The following ITGBL1 variants were observed in gnomAD, a reference collection of about 807,000 sequenced individuals.
ITGBL1 encodes integrin beta-like protein 1.
A neutral mutation model predicts 68.5 loss-of-function variants in ITGBL1; 51 were observed. The observed-to-expected ratio is 0.74, with a 90% CI of 0.59 to 0.94. The LOEUF is 0.94. ITGBL1 is among the 40% of genes least tolerant of loss of function. The probability of loss-of-function intolerance (pLI) is 0.00; values close to 1 mark genes in which losing one functional copy is unlikely to be tolerated. For synonymous variants in ITGBL1, 209 were observed against 227.3 expected (o/e 0.92, Z 0.72); for missense variants, 649 against 647.4 (o/e 1.00, Z -0.03).
chr13:101,522,290 A>G (rs905741821), intron 2 of ITGBL1, among the ~76,000 whole-genome samples: 5 of 152,162 alleles, frequency 3.3e-5, no homozygotes, highest in African/African-American at 4.8e-5. Context: ...AAATGTCTAT[A>G]TTATACTAAT....
intron 2 of ITGBL1, among the ~76,000 whole-genome samples, chr13:101,478,662 A>G (rs4329782): frequency 0.14 from 21,611 of 152,078 alleles, 2,040 homozygotes; most frequent in East Asian, 0.43. Context: ...ATAAAAATCA[A>G]TAGCACTTCT....
At chr13:101,708,244 G>A (rs1006178001) in intron 9 of ITGBL1, among the ~76,000 whole-genome samples, 6 of 152,178 alleles carry the variant, frequency 3.9e-5, no homozygotes, top group African/African-American at 1.4e-4. Context: ...CTAGTGACTA[G>A]GAAGACACAG....
chr13:101,541,662 C>T (rs539772675), intron 2 of ITGBL1, among the ~76,000 whole-genome samples: 10 of 152,170 alleles, frequency 6.6e-5, no homozygotes, highest in East Asian at 5.8e-4. Flanking sequence ...TGGTAGAATT[C>T]GGCTGTGAAT....
At chr13:101,520,074 C>T (rs12586000) in intron 2 of ITGBL1, among the ~76,000 whole-genome samples, 35,192 of 151,980 alleles carry the variant, frequency 0.23, 4,467 homozygotes, top group East Asian at 0.49. Flanking sequence ...AGTAATAAAA[C>T]GAAAATCCAG....
chr13:101,603,368 T>C (rs1289045041), intron 7 of ITGBL1, among the ~76,000 whole-genome samples: 1 of 151,844 alleles, frequency 6.6e-6, no homozygotes, highest in African/African-American at 2.4e-5. Context: ...AGTAGAAGAG[T>C]GGAGGAGTAG....
At chr13:101,638,639 C>T (rs1269177513) in intron 7 of ITGBL1, among the ~76,000 whole-genome samples, 1 of 152,052 alleles carries the variant, frequency 6.6e-6, no homozygotes, top group Non-Finnish European at 1.5e-5. Context: ...AAAGGGATTT[C>T]CCTTTATAAA....
chr13:101,703,129 TA>T (rs924143279), intron 8 of ITGBL1, among the ~76,000 whole-genome samples: 16 of 150,888 alleles, frequency 1.1e-4, no homozygotes, highest in Admixed American at 1.1e-3. Flanking sequence ...ATTTGACACA[TA>T]ACTATATACC....
At chr13:101,605,709 T>C (rs1325979747) in intron 7 of ITGBL1, among the ~76,000 whole-genome samples, 2 of 151,562 alleles carry the variant, frequency 1.3e-5, no homozygotes, top group African/African-American at 4.8e-5. Context: ...GACTTATGTA[T>C]GTGCGTATAT....
At chr13:101,504,113 G>T (rs1392454306) in intron 2 of ITGBL1, among the ~76,000 whole-genome samples, 1 of 152,032 alleles carries the variant, frequency 6.6e-6, no homozygotes, top group Non-Finnish European at 1.5e-5. Context: ...GCTAAATGTT[G>T]GAATAATTGT....
chr13:101,528,769 G>T (rs1356188490), intron 2 of ITGBL1, among the ~76,000 whole-genome samples: 2 of 151,854 alleles, frequency 1.3e-5, no homozygotes, highest in East Asian at 3.9e-4. Flanking sequence ...AAGGATTTCT[G>T]AACTTCAAAA....
intron 2 of ITGBL1, among the ~76,000 whole-genome samples, chr13:101,501,690 A>G (rs1055969847): frequency 5.3e-5 from 8 of 152,188 alleles, no homozygotes; most frequent in African/African-American, 1.9e-4. Flanking sequence ...TGTAAGGGCT[A>G]CATGACCTTA....
At chr13:101,506,011 A>G (rs1165067599) in intron 2 of ITGBL1, among the ~76,000 whole-genome samples, 1 of 152,202 alleles carries the variant, frequency 6.6e-6, no homozygotes, top group African/African-American at 2.4e-5. Context: ...CAGTAGTGAC[A>G]TGAGAAAGAG....
chr13:101,624,065 G>T (rs1158035766), intron 7 of ITGBL1, among the ~76,000 whole-genome samples: 1 of 152,152 alleles, frequency 6.6e-6, no homozygotes, highest in Non-Finnish European at 1.5e-5. Context: ...AAGCCACCAG[G>T]ATTCCTGGAG....
intron 2 of ITGBL1, among the ~76,000 whole-genome samples, chr13:101,526,899 A>G (rs569186654): frequency 1.3e-5 from 2 of 152,156 alleles, no homozygotes; most frequent in East Asian, 3.9e-4. Flanking sequence ...AAATAAGAAC[A>G]TTTTCTTGTA....
chr13:101,460,014 T>C (rs2048296925), intron 2 of ITGBL1, among the ~76,000 whole-genome samples: 1 of 152,124 alleles, frequency 6.6e-6, no homozygotes, highest in Non-Finnish European at 1.5e-5. Context: ...TCCCTTCCAA[T>C]TGCATTTTTC....
At chr13:101,487,380 C>G (rs527604019) in intron 2 of ITGBL1, among the ~76,000 whole-genome samples, 4 of 152,010 alleles carry the variant, frequency 2.6e-5, no homozygotes. Context: ...AATGTAAAAC[C>G]CATATTGGAG....
At chr13:101,538,990 CTT>C (rs2139179147) in intron 2 of ITGBL1, among the ~76,000 whole-genome samples, 1 of 147,758 alleles carries the variant, frequency 6.8e-6, no homozygotes, top group African/African-American at 2.5e-5. Flanking sequence ...TGTAGTGGAG[CTT>C]TACCATCAGT....
intron 2 of ITGBL1, among the ~76,000 whole-genome samples, chr13:101,548,266 G>A (rs61976174): frequency 0.032 from 4,877 of 151,790 alleles, 109 homozygotes; most frequent in South Asian, 0.058. Flanking sequence ...TAATGTATTA[G>A]CAGATAGAAA....
intron 7 of ITGBL1, among the ~76,000 whole-genome samples, chr13:101,648,461 A>G (rs1023621046): frequency 2.0e-5 from 3 of 152,200 alleles, no homozygotes; most frequent in Admixed American, 1.3e-4. Context: ...ACATTTAATG[A>G]TGAAATATTT....
Sources: allele counts gnomAD v4.1 joint callset (sites outside exome capture counted in the v4.1 genomes callset), GRCh38; gene constraint gnomAD v4.1.1; transcripts MANE v1.5; gene names NCBI Gene and HGNC (gene_info 2026-07-23, HGNC 2026-07-21).